The following CLN6 variants were observed in gnomAD, a reference collection of about 807,000 sequenced individuals.
CLN6 encodes CLN6 transmembrane ER protein, also known as ceroid-lipofuscinosis neuronal protein 6.
A neutral mutation model predicts 33.3 loss-of-function variants in CLN6; 22 were observed. That is an observed-to-expected ratio of 0.66 (90% CI 0.47 to 0.94). The LOEUF (loss-of-function observed/expected upper bound fraction) is 0.94. CLN6 is among the 40% of genes least tolerant of loss of function. The pLI is 0.00. For synonymous variants in CLN6, 201 were observed against 174.6 expected (o/e 1.15, Z -1.19); for missense variants, 387 against 417.1 (o/e 0.93, Z 0.63).
Position 68,209,750 on chromosome 15 carries a change from G to A in CLN6, c.552C>T (p.Pro184=), listed in dbSNP as rs1595817219. The change falls in exon 6 of 7, where the codon CCC becomes CCT. Residue 184 remains proline (P), a synonymous_variant. Coordinates refer to ENST00000249806, the MANE Select transcript of CLN6 (RefSeq NM_017882.3). This position sits in a 1 kb window ranked among gnomAD's most constrained non-coding sequence, Gnocchi z 4.9. ...AGTACATGAAGAGGATGAGGAAGAA[G>A]GGGATGTACCTGTGACAGGAAGGCC... is the stretch of plus-strand genomic sequence containing the variant. ...EYLGHCMWYI[P]FFLILFMYFS... is the part of the protein sequence containing the mutation. The A allele has an allele frequency of 1.9e-6, 3 of 1,613,484 alleles. No individual in the cohort carries two copies. In the South Asian group the frequency reaches 3.3e-5, roughly 18 times the overall value.
chr15:68,255,662 T>C (rs1450232811), intron 1 of CLN6, among the ~76,000 whole-genome samples: 1 of 152,230 alleles, frequency 6.6e-6, no homozygotes, highest in East Asian at 1.9e-4. Flanking sequence ...CTGCCTGAAA[T>C]GCCATGATTG....
intron 1 of CLN6, among the ~76,000 whole-genome samples, chr15:68,239,308 C>A (rs1892260987): frequency 6.7e-6 from 1 of 149,998 alleles, no homozygotes; most frequent in Non-Finnish European, 1.5e-5. Flanking sequence ...ATTCTTAGAC[C>A]TAAATTAAAA....
chr15:68,216,033 T>C (rs1014145201), intron 2 of CLN6, among the ~76,000 whole-genome samples: 1 of 152,194 alleles, frequency 6.6e-6, no homozygotes, highest in African/African-American at 2.4e-5. Context: ...CATTTGAAAA[T>C]CTCTAGCGTA....
At chr15:68,243,738 G>A (rs1184361056) in intron 1 of CLN6, among the ~76,000 whole-genome samples, 2 of 145,352 alleles carry the variant, frequency 1.4e-5, no homozygotes, top group Middle Eastern at 3.4e-3. Context: ...CTGGGTGATA[G>A]AGCAAGACTC....
At chr15:68,254,694 C>T (rs540986346) in intron 1 of CLN6, 1 of 743,014 alleles carries the variant, frequency 1.3e-6, no homozygotes, top group East Asian at 2.5e-5. Flanking sequence ...AAGGACAAAC[C>T]ACAGAGAAGA....
chr15:68,210,937 A>C lies in CLN6; in HGVS notation c.542+326T>G, dbSNP rs1390449981. ...GGACGCGTCCTCCTCCCCCACCCTC[A>C]GGGCTCAGGCTTGGCGAGGAAGGAC... On this transcript the variant is annotated intron_variant, in intron 5 of 6. Transcript: ENST00000249806. The surrounding 1 kb of genome is among the most constrained non-coding windows in gnomAD (Gnocchi z 5.6). Among the ~76,000 whole-genome samples, 1 of 151,926 alleles carries C rather than the reference A, an allele frequency of 6.6e-6. No individual in the cohort carries two copies. Among genetic ancestry groups the C allele is most frequent in the Admixed American group, 6.5e-5 (1 of 15,270 alleles).
chr15:68,222,729 G>A (rs539037001), intron 1 of CLN6, among the ~76,000 whole-genome samples: 1 of 152,326 alleles, frequency 6.6e-6, no homozygotes, highest in East Asian at 1.9e-4. Context: ...GATTGTTACT[G>A]TGTCTGTGTA....
rs556357759 is a variant in CLN6 at position 68,246,840 on chromosome 15, G to A, written c.179+9850C>T. Among the ~76,000 whole-genome samples, 5 of 152,210 alleles carry A rather than the reference G, an allele frequency of 3.3e-5. No individual in the cohort carries two copies. The East Asian group carries it at 7.7e-4, about 23-fold the overall frequency. ...GACCATTAACTAGGCTAAGATAAAA[G>A]GAGAGAAGTCCCAAATAAATAAAAT... On this transcript the variant is annotated intron_variant, in intron 1 of 6. Transcript: ENST00000538696. This position sits in a 1 kb window ranked among gnomAD's most constrained non-coding sequence, Gnocchi z 4.5.
rs1892339349 is a variant in CLN6 at position 68,247,491 on chromosome 15, A to C, written c.179+9199T>G. On this transcript the variant is annotated intron_variant, in intron 1 of 6. Coordinates refer to the CLN6 transcript ENST00000538696. The surrounding 1 kb of genome is among the most constrained non-coding windows in gnomAD (Gnocchi z 4.2). ...ACCGAAGAGGAGAAAGATCTCTTCAAGGAAAACTACAAAGCACTGAAGAAA... is the reference window on the plus strand; with the variant it reads ...ACCGAAGAGGAGAAAGATCTCTTCACGGAAAACTACAAAGCACTGAAGAAA... Among the ~76,000 whole-genome samples the C allele has an allele frequency of 6.6e-6, 1 of 152,156 alleles. No homozygotes were observed. Among genetic ancestry groups the C allele is most frequent in the African/African-American group, 2.4e-5 (1 of 41,396 alleles).
chr15:68,221,292 C>G (rs552208573), intron 1 of CLN6, among the ~76,000 whole-genome samples: 1 of 148,370 alleles, frequency 6.7e-6, no homozygotes, highest in East Asian at 2.1e-4. Flanking sequence ...ACTGTACTGC[C>G]GTGATCTCAG....
rs2093188961 is a variant in CLN6 at position 68,207,219 on chromosome 15, C to CTTTG, written c.*917_*920dup. The CTTTG allele has an allele frequency of 6.6e-6, 1 of 152,390 alleles. No homozygotes were observed. Among genetic ancestry groups the CTTTG allele is most frequent in the South Asian group, 2.1e-4 (1 of 4,836 alleles). The allele number at this position is 152,390 out of a possible 1,614,324, so 9.4% of individuals were successfully genotyped here. ...CTCTGGGCCCAGCACCTTGTAAAGGCTTTGATGAGAGGAGCTCTGGCTTTT... is the reference window on the plus strand; with the variant it reads ...CTCTGGGCCCAGCACCTTGTAAAGGCTTTGTTTGATGAGAGGAGCTCTGGCTTTT... On this transcript the variant is annotated 3_prime_UTR_variant, in exon 7 of 7. Coordinates refer to ENST00000249806, the MANE Select transcript of CLN6 (RefSeq NM_017882.3).
chr15:68,240,631 A>G (rs751399090), intron 1 of CLN6, among the ~76,000 whole-genome samples: 31 of 151,800 alleles, frequency 2.0e-4, no homozygotes, highest in Non-Finnish European at 4.0e-4. Flanking sequence ...AAATAAAATA[A>G]CAAGCCAGGG....
At position 68,210,710 on chromosome 15, in the gene CLN6, G is replaced by A. The variant is rs564504669; in HGVS notation, c.542+553C>T. On this transcript the variant is annotated intron_variant, in intron 5 of 6. Coordinates refer to ENST00000249806, the MANE Select transcript of CLN6 (RefSeq NM_017882.3). This position sits in a 1 kb window ranked among gnomAD's most constrained non-coding sequence, Gnocchi z 5.6. ...AGACCACATTTCTGAGGTCTCCCCC[G>A]ACTGAGGGACGGGGTAGGTAGGAAA... Among the ~76,000 whole-genome samples, 11 of 152,258 alleles carry A rather than the reference G, an allele frequency of 7.2e-5. No individual in the cohort carries two copies. The highest frequency in any genetic ancestry group is 1.3e-4 in the Non-Finnish European group (9 of 67,998).
rs373135934 is a variant in CLN6, at chr15:68,249,908, G to T, written c.179+6782C>A. Among the ~76,000 whole-genome samples, 169 of 152,246 alleles carry T rather than the reference G, an allele frequency of 1.1e-3. 1 individual carries two copies. Among genetic ancestry groups the T allele is most frequent in the African/African-American group, 3.9e-3 (164 of 41,562 alleles). On this transcript the variant is annotated intron_variant, in intron 1 of 6. Transcript: ENST00000538696. Reference sequence around the variant, plus strand: ...CTGTCTCAGCCTCCCGAGTAGCTGGGATTACAGGTGCGAACCATCAGGCCT... The same window carrying T: ...CTGTCTCAGCCTCCCGAGTAGCTGGTATTACAGGTGCGAACCATCAGGCCT...
At chr15:68,232,493 G>A (rs889491379), upstream of CLN6, among the ~76,000 whole-genome samples, 6 of 152,080 alleles carry the variant, frequency 3.9e-5, no homozygotes, top group South Asian at 8.3e-4. This position sits in a 1 kb window ranked among gnomAD's most constrained non-coding sequence, Gnocchi z 4.7. Flanking sequence ...CCTAAGATCC[G>A]TTAGACACAC....
chr15:68,211,883 T>C lies in CLN6; in HGVS notation c.298-20A>G. On this transcript the variant is annotated intron_variant, in intron 3 of 6. Coordinates refer to ENST00000249806, the MANE Select transcript of CLN6 (RefSeq NM_017882.3). The surrounding 1 kb of genome is among the most constrained non-coding windows in gnomAD (Gnocchi z 5.9). ...GATGAGCTGGGGTTCAGAGTGGGGTTGGCAGCATGACCCCACCTCTGTCAC... is the reference window on the plus strand; with the variant it reads ...GATGAGCTGGGGTTCAGAGTGGGGTCGGCAGCATGACCCCACCTCTGTCAC... 1 of 1,611,830 alleles carries C rather than the reference T, an allele frequency of 6.2e-7. No homozygotes were observed. The highest frequency in any genetic ancestry group is 8.5e-7 in the Non-Finnish European group (1 of 1,179,284).
At chr15:68,213,916 A>G (rs2093213110) in intron 3 of CLN6, 1 of 243,886 alleles carries the variant, frequency 4.1e-6, no homozygotes. Context: ...CTCTCTTCCC[A>G]GTGGGTCCTT....
upstream of CLN6, among the ~76,000 whole-genome samples, chr15:68,232,177 A>C (rs370054100): frequency 1.7e-5 from 1 of 58,406 alleles, no homozygotes; most frequent in Admixed American, 1.8e-4. This position sits in a 1 kb window ranked among gnomAD's most constrained non-coding sequence, Gnocchi z 4.7. Flanking sequence ...TTTTTTTTTG[A>C]GACGGAGTCT....
chr15:68,216,498 C>G lies in CLN6; in HGVS notation c.198+2038G>C, dbSNP rs533442021. On this transcript the variant is annotated intron_variant, in intron 2 of 6. Coordinates refer to ENST00000249806, the MANE Select transcript of CLN6 (RefSeq NM_017882.3). Reference sequence around the variant, plus strand: ...TCACTCCCTGACAGCATTGCCAGGACAGCTTTTCTTTACACCTATCAAGTC... The same window carrying G: ...TCACTCCCTGACAGCATTGCCAGGAGAGCTTTTCTTTACACCTATCAAGTC... Among the ~76,000 whole-genome samples the G allele has an allele frequency of 7.2e-5, 11 of 152,330 alleles. No individual in the cohort carries two copies. The South Asian group carries it at 2.3e-3, about 32-fold the overall frequency.
Sources: allele counts gnomAD v4.1 joint callset (sites outside exome capture counted in the v4.1 genomes callset), GRCh38; gene constraint gnomAD v4.1.1; non-coding constraint Gnocchi (gnomAD v3.1); transcripts MANE v1.5; gene names NCBI Gene and HGNC (gene_info 2026-07-23, HGNC 2026-07-21).